AIG1: variants seen among roughly 807,000 people sequenced by gnomAD.
AIG1 encodes androgen-induced gene 1 protein.
A neutral mutation model predicts 31.4 loss-of-function variants in AIG1; 23 were observed. That is an observed-to-expected ratio of 0.73 (90% CI 0.53 to 1.04). The LOEUF (loss-of-function observed/expected upper bound fraction) is 1.04, where lower values mean the gene tolerates loss of function less well. AIG1 is among the 50% of genes least tolerant of loss of function. The pLI, the probability that AIG1 is intolerant of heterozygous loss-of-function variation, is 0.00. For missense variants in AIG1, 274 were observed against 295.0 expected (o/e 0.93, Z 0.52); for synonymous variants, 100 against 110.5 (o/e 0.90, Z 0.60).
At chr6:143,316,838 C>T (rs1309714092) in intron 4 of AIG1, among the ~76,000 whole-genome samples, 1 of 151,932 alleles carries the variant, frequency 6.6e-6, no homozygotes, top group African/African-American at 2.4e-5. Flanking sequence ...ACAACTGATA[C>T]CACAGAAATA....
At chr6:143,320,593 A>G (rs1326201913) in intron 4 of AIG1, among the ~76,000 whole-genome samples, 2 of 152,230 alleles carry the variant, frequency 1.3e-5, no homozygotes, top group Non-Finnish European at 2.9e-5. Context: ...TCTGAGTGAA[A>G]TAAACCAGAC....
upstream of AIG1, among the ~76,000 whole-genome samples, chr6:143,059,618 A>C (rs886465211): frequency 2.0e-5 from 3 of 152,206 alleles, no homozygotes; most frequent in Non-Finnish European, 4.4e-5. Flanking sequence ...CCAATTAAAA[A>C]AATCTAGTGG....
chr6:143,314,772 A>G (rs1775598966), intron 4 of AIG1, among the ~76,000 whole-genome samples: 1 of 152,142 alleles, frequency 6.6e-6, no homozygotes, highest in African/African-American at 2.4e-5. Context: ...TTCCATTTAG[A>G]AAATAAAAAA....
chr6:143,284,778 T>C lies in AIG1; in HGVS notation c.515+553T>C, dbSNP rs1458665793. On this transcript the variant is annotated intron_variant, in intron 4 of 5. Transcript: ENST00000357847. This position sits in a 1 kb window ranked among gnomAD's most constrained non-coding sequence, Gnocchi z 4.4. The stretch of plus-strand genomic sequence containing the variant: ...CCACAAGAAATCTTCATTTGATCTA[T>C]TGTGCACAATTCAGATCCAAGTGTG... Among the ~76,000 whole-genome samples the C allele has an allele frequency of 6.6e-6, 1 of 152,216 alleles. No individual in the cohort carries two copies. Among genetic ancestry groups the C allele is most frequent in the African/African-American group, 2.4e-5 (1 of 41,456 alleles).
chr6:143,270,837 TTG>T (rs376187797), intron 3 of AIG1, among the ~76,000 whole-genome samples: 1 of 152,020 alleles, frequency 6.6e-6, no homozygotes, highest in African/African-American at 2.4e-5. Flanking sequence ...GTATGTGTGC[TTG>T]TGTGTGTGTG....
intron 1 of AIG1, among the ~76,000 whole-genome samples, chr6:143,085,480 G>C (rs1778678475): frequency 6.6e-6 from 1 of 152,186 alleles, no homozygotes; most frequent in African/African-American, 2.4e-5. Context: ...TCCTTTTCCA[G>C]CGTGCCCAAC....
chr6:143,228,008 A>C (rs1452672504), intron 3 of AIG1, among the ~76,000 whole-genome samples: 1 of 152,190 alleles, frequency 6.6e-6, no homozygotes, highest in Admixed American at 6.5e-5. Flanking sequence ...CAAACACTTT[A>C]AAGCCTGAAA....
At chr6:143,165,409 A>G (rs775248117) in intron 3 of AIG1, among the ~76,000 whole-genome samples, 1 of 152,218 alleles carries the variant, frequency 6.6e-6, no homozygotes, top group Non-Finnish European at 1.5e-5. Flanking sequence ...AGATGAATCC[A>G]CAGATTATTA....
intron 4 of AIG1, among the ~76,000 whole-genome samples, chr6:143,308,303 C>T (rs1562579077): frequency 6.6e-6 from 1 of 152,254 alleles, no homozygotes; most frequent in Non-Finnish European, 1.5e-5. Context: ...CTGCATCGCT[C>T]ACGCTGGGAG....
intron 4 of AIG1, among the ~76,000 whole-genome samples, chr6:143,294,302 C>G (rs1247420695): frequency 6.6e-6 from 1 of 152,198 alleles, no homozygotes; most frequent in East Asian, 1.9e-4. Flanking sequence ...AGCTGCTTCC[C>G]TATTTCCCTA....
At chr6:143,295,992 A>G (rs1798398335) in intron 4 of AIG1, among the ~76,000 whole-genome samples, 1 of 152,168 alleles carries the variant, frequency 6.6e-6, no homozygotes, top group South Asian at 2.1e-4. Flanking sequence ...ATAGACTTTA[A>G]TAAGAGAAAT....
intron 1 of AIG1, among the ~76,000 whole-genome samples, chr6:143,123,698 T>C (rs992655573): frequency 1.1e-4 from 16 of 152,238 alleles, no homozygotes; most frequent in Admixed American, 3.3e-4. Flanking sequence ...CTGTACATAT[T>C]TGGGCTACTT....
At chr6:143,083,196 C>T (rs533292758) in intron 1 of AIG1, among the ~76,000 whole-genome samples, 5 of 152,270 alleles carry the variant, frequency 3.3e-5, no homozygotes, top group South Asian at 2.1e-4. Flanking sequence ...CCACAAGTGG[C>T]GAGGAAGTTT....
intron 3 of AIG1, among the ~76,000 whole-genome samples, chr6:143,254,652 G>T (rs894543327): frequency 8.5e-5 from 13 of 152,064 alleles, no homozygotes; most frequent in Non-Finnish European, 1.5e-4. Context: ...CTCTAATGAA[G>T]TGTTTATTAT....
intron 3 of AIG1, among the ~76,000 whole-genome samples, chr6:143,233,864 A>G (rs1209572136): frequency 6.6e-6 from 1 of 152,258 alleles, no homozygotes. Context: ...TTAATTTAAC[A>G]GTATGAATGG....
intron 3 of AIG1, among the ~76,000 whole-genome samples, chr6:143,197,122 G>A (rs1371914008): frequency 6.6e-6 from 1 of 151,584 alleles, no homozygotes; most frequent in Non-Finnish European, 1.5e-5. Flanking sequence ...ACAACTTGAA[G>A]CTAATGACTC....
rs188090859 is a variant in AIG1 at position 143,297,670 on chromosome 6, C to A, written c.515+13445C>A. On this transcript the variant is annotated intron_variant, in intron 4 of 5. Coordinates refer to ENST00000357847, the MANE Select transcript of AIG1 (RefSeq NM_016108.4). This position sits in a 1 kb window ranked among gnomAD's most constrained non-coding sequence, Gnocchi z 5.1. ...CTCCTACTCAGCCTCCTTGGGAGGC[C>A]CCATTCTTCATACTCTCTGATGCTC... is the stretch of plus-strand genomic sequence containing the variant. 6.6e-5 allele frequency among the ~76,000 whole-genome samples: 10 copies of A among 152,204 alleles called. No homozygotes were observed. In the East Asian group the frequency reaches 1.9e-3, roughly 29 times the overall value.
At chr6:143,117,792 A>T (rs536898328) in intron 1 of AIG1, among the ~76,000 whole-genome samples, 8 of 152,280 alleles carry the variant, frequency 5.3e-5, no homozygotes, top group Non-Finnish European at 7.4e-5. Context: ...TATCATGTAG[A>T]TAGTAGTTAT....
At chr6:143,335,834 A>T (rs1777444559) in intron 5 of AIG1, among the ~76,000 whole-genome samples, 1 of 151,720 alleles carries the variant, frequency 6.6e-6, no homozygotes, top group African/African-American at 2.4e-5. Context: ...CTGTAATCTC[A>T]GCTACTTGGG....
Sources: allele counts gnomAD v4.1 joint callset (sites outside exome capture counted in the v4.1 genomes callset), GRCh38; gene constraint gnomAD v4.1.1; non-coding constraint Gnocchi (gnomAD v3.1); transcripts MANE v1.5; gene names NCBI Gene and HGNC (gene_info 2026-07-23, HGNC 2026-07-21).